The following NKAIN2 variants were observed in gnomAD, a reference collection of about 807,000 sequenced individuals.
The protein encoded by NKAIN2 is sodium/potassium transporting ATPase interacting 2.
In NKAIN2, 14 loss-of-function variants were observed where a neutral mutation model predicts 32.6. That is an observed-to-expected ratio of 0.43 (90% CI 0.28 to 0.67). The LOEUF (loss-of-function observed/expected upper bound fraction) is 0.67. Among genes scored for constraint, NKAIN2 ranks in the 30% least tolerant of loss-of-function variants. The pLI, the probability that NKAIN2 is intolerant of heterozygous loss-of-function variation, is 0.17. For missense variants in NKAIN2, 198 were observed against 258.3 expected (o/e 0.77, Z 1.60); for synonymous variants, 80 against 87.2 (o/e 0.92, Z 0.46).
intron 1 of NKAIN2, among the ~76,000 whole-genome samples, chr6:123,890,262 C>T (rs1773939228): frequency 6.6e-6 from 1 of 151,774 alleles, no homozygotes; most frequent in Non-Finnish European, 1.5e-5. Flanking sequence ...GAGTTTCAGT[C>T]TTGTCCTCAG....
intron 1 of NKAIN2, among the ~76,000 whole-genome samples, chr6:124,085,899 T>C (rs1582615173): frequency 1.3e-5 from 2 of 152,098 alleles, no homozygotes; most frequent in Non-Finnish European, 2.9e-5. Context: ...TACTTAATTT[T>C]TTTCTTAGAT....
chr6:124,528,415 A>G (rs1779399727), intron 3 of NKAIN2, among the ~76,000 whole-genome samples: 1 of 152,230 alleles, frequency 6.6e-6, no homozygotes, highest in East Asian at 1.9e-4. Flanking sequence ...TTAAGTAAAC[A>G]TTCACAAGAG....
intron 3 of NKAIN2, among the ~76,000 whole-genome samples, chr6:124,643,522 T>G (rs1428407961): frequency 1.3e-5 from 2 of 152,192 alleles, no homozygotes; most frequent in African/African-American, 4.8e-5. Flanking sequence ...ATCGGTATAT[T>G]TTATTTTTAT....
intron 5 of NKAIN2, among the ~76,000 whole-genome samples, chr6:124,807,084 A>T (rs1258399394): frequency 6.6e-6 from 1 of 151,582 alleles, no homozygotes; most frequent in Non-Finnish European, 1.5e-5. Context: ...GATCAACGAG[A>T]CAGAAAGTCA....
At chr6:124,217,433 A>AG (rs1214424843) in intron 1 of NKAIN2, among the ~76,000 whole-genome samples, 1 of 152,022 alleles carries the variant, frequency 6.6e-6, no homozygotes, top group Non-Finnish European at 1.5e-5. Flanking sequence ...TCCATGGTAG[A>AG]GAAAAAAAAA....
At chr6:124,380,249 T>A (rs1381593012) in intron 3 of NKAIN2, among the ~76,000 whole-genome samples, 3 of 152,146 alleles carry the variant, frequency 2.0e-5, no homozygotes, top group African/African-American at 7.2e-5. Context: ...CCTTAAGAAG[T>A]AACTATGCTA....
rs559838071 is a variant in NKAIN2, at chr6:124,043,038, T to C, written c.54+238784T>C. On this transcript the variant is annotated intron_variant, in intron 1 of 6. Coordinates refer to ENST00000368417, the MANE Select transcript of NKAIN2 (RefSeq NM_001040214.3). Reference sequence around the variant, plus strand: ...ACAATATTTTAATAGAAAATATCTGTTTTTCTCTTATTCCTAATAAATGTT... The same window carrying C: ...ACAATATTTTAATAGAAAATATCTGCTTTTCTCTTATTCCTAATAAATGTT... Among the ~76,000 whole-genome samples the C allele has an allele frequency of 2.0e-4, 30 of 152,192 alleles. No homozygotes were observed. In the South Asian group the frequency reaches 2.3e-3, roughly 12 times the overall value.
chr6:124,812,137 C>T (rs889056951), intron 5 of NKAIN2, among the ~76,000 whole-genome samples: 1 of 152,162 alleles, frequency 6.6e-6, no homozygotes, highest in Non-Finnish European at 1.5e-5. Context: ...TCTTTCCACT[C>T]CTCTTGGCCA....
rs183509901 is a variant in NKAIN2, at chr6:123,935,299, A to G, written c.54+131045A>G. ...TTTCTTGGGGAGGTGTGAAATTATGAGGTGGTATCCAAGTGTTTGGCTTAG... is the reference window on the plus strand; with the variant it reads ...TTTCTTGGGGAGGTGTGAAATTATGGGGTGGTATCCAAGTGTTTGGCTTAG... On this transcript the variant is annotated intron_variant, in intron 1 of 6. Transcript: ENST00000368417. Among the ~76,000 whole-genome samples, 1,366 of 151,466 alleles carry G rather than the reference A, an allele frequency of 9.0e-3. 12 individuals carry two copies. The highest frequency in any genetic ancestry group is 0.017 in the Middle Eastern group (5 of 292).
intron 1 of NKAIN2, among the ~76,000 whole-genome samples, chr6:124,164,445 T>C (rs2114466491): frequency 6.6e-6 from 1 of 152,178 alleles, no homozygotes; most frequent in South Asian, 2.1e-4. Flanking sequence ...TTTCTTTTGA[T>C]GATATCACAT....
intron 1 of NKAIN2, among the ~76,000 whole-genome samples, chr6:123,895,679 A>C (rs1335953034): frequency 1.3e-5 from 2 of 152,216 alleles, no homozygotes; most frequent in Non-Finnish European, 2.9e-5. Flanking sequence ...TGCAAACGTA[A>C]GTTTAAAAGT....
At position 123,911,803 on chromosome 6, in the gene NKAIN2, A is replaced by ATATATATATATGTATATATATATATG. The variant is rs1562253423; in HGVS notation, c.54+107559_54+107560insTGTATATATATATATGTATATATATA. Among the ~76,000 whole-genome samples the ATATATATATATGTATATATATATATG allele has an allele frequency of 2.5e-4, 25 of 98,612 alleles. 1 individual carries two copies. The highest frequency in any genetic ancestry group is 1.4e-3 in the East Asian group (5 of 3,542). The allele number at this position is 98,612 out of a possible 152,430, so 64.7% of individuals were successfully genotyped here. A position where few individuals can be genotyped will look rare whatever the true frequency, so the allele number is the denominator to read the frequency against. ...CATACATATATATATATATATATGT[A>ATATATATATATGTATATATATATATG]TATATATATACACACACACACACAC... On this transcript the variant is annotated intron_variant, in intron 1 of 6. Coordinates refer to ENST00000368417, the MANE Select transcript of NKAIN2 (RefSeq NM_001040214.3).
chr6:124,672,641 C>A (rs552596573), intron 4 of NKAIN2, among the ~76,000 whole-genome samples: 1 of 151,880 alleles, frequency 6.6e-6, no homozygotes, highest in African/African-American at 2.4e-5. Flanking sequence ...TTCTTTGGGG[C>A]TCTCTGGAAA....
intron 1 of NKAIN2, among the ~76,000 whole-genome samples, chr6:124,173,890 A>C (rs1052183481): frequency 2.6e-5 from 4 of 152,094 alleles, no homozygotes; most frequent in East Asian, 1.9e-4. Flanking sequence ...GATAATTGAT[A>C]ATTTTAATCA....
At chr6:124,219,884 A>G (rs1791718813) in intron 1 of NKAIN2, among the ~76,000 whole-genome samples, 1 of 152,222 alleles carries the variant, frequency 6.6e-6, no homozygotes, top group Admixed American at 6.5e-5. Flanking sequence ...ACAAAATGCC[A>G]GGAAATAAAC....
At chr6:124,040,947 A>G (rs556397970) in intron 1 of NKAIN2, among the ~76,000 whole-genome samples, 16 of 152,050 alleles carry the variant, frequency 1.1e-4, no homozygotes, top group Non-Finnish European at 1.8e-4. Context: ...ACAGAGCCTC[A>G]TTCCGGTTTT....
intron 1 of NKAIN2, among the ~76,000 whole-genome samples, chr6:124,169,079 T>A (rs1046490631): frequency 1.3e-5 from 2 of 152,134 alleles, no homozygotes; most frequent in Non-Finnish European, 2.9e-5. Flanking sequence ...ATGTTCAGAA[T>A]TGGATGTGTG....
intron 4 of NKAIN2, among the ~76,000 whole-genome samples, chr6:124,717,256 T>G (rs949355479): frequency 2.6e-5 from 4 of 152,242 alleles, no homozygotes; most frequent in Non-Finnish European, 5.9e-5. Flanking sequence ...TAAGTGTTAA[T>G]TACTCTCCTC....
At chr6:124,439,456 C>A (rs181365694) in intron 3 of NKAIN2, among the ~76,000 whole-genome samples, 2 of 151,734 alleles carry the variant, frequency 1.3e-5, no homozygotes, top group Admixed American at 1.3e-4. Flanking sequence ...CTTATTTCTT[C>A]GTACACTAGA....
Sources: gnomAD v4.1 joint callset for allele counts (sites outside exome capture counted in the v4.1 genomes callset) on GRCh38, gnomAD v4.1.1 for gene constraint, MANE v1.5 for transcripts, NCBI Gene and HGNC (gene_info 2026-07-23, HGNC 2026-07-21) for gene names.